Variants in VPS13D observed in about 807,000 individuals in gnomAD.
The protein encoded by VPS13D is intermembrane lipid transfer protein VPS13D.
Under a neutral mutation model 461.9 loss-of-function variants are expected in VPS13D, and 187 were observed. The ratio of observed to expected loss-of-function variants is 0.40; its 90% CI spans 0.36 to 0.46. VPS13D has a LOEUF of 0.46. VPS13D is among the 20% of genes least tolerant of loss of function. VPS13D has a pLI of 0.60. For missense variants in VPS13D, 4,711 were observed against 5,364.9 expected, an observed-to-expected ratio of 0.88 and a Z score of 3.81; for synonymous variants, 1,951 against 1,986.3, an observed-to-expected ratio of 0.98 and a Z score of 0.47.
intron 67 of VPS13D, among the ~76,000 whole-genome samples, chr1:12,480,834 C>G (rs1442836460): frequency 6.6e-6 from 1 of 152,216 alleles, no homozygotes; most frequent in Admixed American, 6.5e-5. Context: ...ATGTAACATG[C>G]AGAAGGAAGT....
intron 31 of VPS13D, 43 bp from the exon 32 acceptor site, chr1:12,319,454 A>G: frequency 6.2e-7 from 1 of 1,608,648 alleles, no homozygotes; most frequent in Non-Finnish European, 8.5e-7. Flanking sequence ...GGTGTTTTCC[A>G]GCTTCCCAGC....
At chr1:12,356,573 A>G (rs763701383) in intron 49 of VPS13D, 49 bp downstream of exon 49, 1 of 1,596,392 alleles carries the variant, frequency 6.3e-7, no homozygotes, top group Non-Finnish European at 8.5e-7. Context: ...CAGGGAAGGG[A>G]AGAAATTAGT....
At chr1:12,467,450 G>A (rs368182200) in intron 67 of VPS13D, among the ~76,000 whole-genome samples, 25 of 152,218 alleles carry the variant, frequency 1.6e-4, no homozygotes, top group Admixed American at 1.6e-3. Context: ...GATTACAGGC[G>A]TGAGCCACCA....
chr1:12,382,037 T>C (rs1032148670), intron 57 of VPS13D, among the ~76,000 whole-genome samples: 5 of 149,272 alleles, frequency 3.3e-5, no homozygotes, highest in Admixed American at 6.8e-5. Flanking sequence ...TTCTTTCTCT[T>C]TCTTTCTTTC....
intron 65 of VPS13D, among the ~76,000 whole-genome samples, chr1:12,443,213 A>AATAATTAT (rs1645151110): frequency 6.6e-6 from 1 of 152,226 alleles, no homozygotes; most frequent in Non-Finnish European, 1.5e-5. Flanking sequence ...GCCTGTTTTT[A>AATAATTAT]ACTCACATAT....
Position 12,342,931 on chromosome 1 carries a change from T to C in VPS13D, c.8765T>C (p.Val2922Ala). The change falls in exon 42 of 70, where the codon GTA becomes GCA. Residue 2922 changes from valine to alanine, a missense_variant. By Grantham distance (64) the Val-to-Ala change is moderately conservative. Transcript: ENST00000620676. ...AALSHSGSPGVVPEGNGTFLD... is the reference protein window; with the variant it reads ...AALSHSGSPGAVPEGNGTFLD... ...CTCTCTCACAGTGGGAGTCCAGGGGTAGTTCCAGAAGGGAACGGAACATTT... is the reference window on the plus strand; with the variant it reads ...CTCTCTCACAGTGGGAGTCCAGGGGCAGTTCCAGAAGGGAACGGAACATTT... 1 of 1,613,572 alleles carries C rather than the reference T, an allele frequency of 6.2e-7. No individual in the cohort carries two copies. Among genetic ancestry groups the C allele is most frequent in the Non-Finnish European group, 8.5e-7 (1 of 1,179,606 alleles).
chr1:12,323,397 A>G (rs1027728728), intron 34 of VPS13D, among the ~76,000 whole-genome samples: 1 of 152,024 alleles, frequency 6.6e-6, no homozygotes, highest in East Asian at 1.9e-4. Context: ...AAGCTGTTTC[A>G]AACACAGTCA....
intron 66 of VPS13D, among the ~76,000 whole-genome samples, chr1:12,456,715 GCT>G (rs968303240): frequency 2.0e-5 from 3 of 150,832 alleles, no homozygotes; most frequent in African/African-American, 7.3e-5. Context: ...AGCCTTCCAA[GCT>G]CTCTTACTTT....
In VPS13D at chr1:12,510,251, T is replaced by C. The variant is rs1439072966; in HGVS notation, c.*1227T>C. On this transcript the variant is annotated 3_prime_UTR_variant, in exon 70 of 70. Transcript: ENST00000620676. The stretch of plus-strand genomic sequence containing the variant: ...TGGGTCTTGTTTTTGGTGTTTCGCT[T>C]TTCTGTAAGGATTAAGCAGATAGGG... 6.6e-6 allele frequency: 1 copy of C among 152,220 alleles called. No individual in the cohort carries two copies. The highest frequency in any genetic ancestry group is 2.4e-5 in the African/African-American group (1 of 41,458). 9.4% of individuals were successfully genotyped at this position (152,220 alleles called of 1,614,324 possible). A position where few individuals can be genotyped will look rare whatever the true frequency, so the allele number is the denominator to read the frequency against.
At chr1:12,236,986 TATC>T (rs1640168501) in intron 2 of VPS13D, among the ~76,000 whole-genome samples, 1 of 152,148 alleles carries the variant, frequency 6.6e-6, no homozygotes, top group African/African-American at 2.4e-5. Context: ...CAATGTTAGT[TATC>T]ATCCATCCTC....
intron 50 of VPS13D, among the ~76,000 whole-genome samples, chr1:12,360,968 C>T (rs1048122965): frequency 3.3e-5 from 5 of 152,128 alleles, no homozygotes; most frequent in African/African-American, 7.2e-5. Context: ...TTGTATATGT[C>T]GCATCACAAT....
intron 50 of VPS13D, among the ~76,000 whole-genome samples, chr1:12,362,394 A>G (rs1643964048): frequency 6.6e-6 from 1 of 152,260 alleles, no homozygotes; most frequent in Admixed American, 6.5e-5. Flanking sequence ...ATTCAGCTTC[A>G]TAAATGGAAA....
intron 67 of VPS13D, among the ~76,000 whole-genome samples, chr1:12,462,621 T>C (rs541597004): frequency 6.6e-6 from 1 of 152,314 alleles, no homozygotes; most frequent in Admixed American, 6.5e-5. Flanking sequence ...CACCACTGCA[T>C]TGCACCCTGC....
rs1426318034 is a variant in VPS13D at position 12,308,498 on chromosome 1, G to C, written c.6507G>C (p.Glu2169Asp). 1 of 1,614,142 alleles carries C rather than the reference G, an allele frequency of 6.2e-7. No individual in the cohort carries two copies. The highest frequency in any genetic ancestry group is 1.7e-5 in the Admixed American group (1 of 60,020). The change falls in exon 27 of 70, where the codon GAG becomes GAC. Residue 2169 changes from glutamate to aspartate, a missense_variant. By Grantham distance (45) the Glu-to-Asp change is conservative (BLOSUM62 2). Around this residue, in one of 3 missense-constraint regions of VPS13D, gnomAD observed 4,411 missense variants for 4,937.8 expected, o/e 0.89. Transcript: ENST00000620676. ...DLQDMDIFAA[E>D]RHPREYSKAP... ...AGGACATGGACATCTTTGCTGCAGA[G>C]AGACATCCGAGAGAATACTCGAAGG...
At position 12,316,346 on chromosome 1, in the gene VPS13D, G is replaced by A. The variant is rs551915990; in HGVS notation, c.7149-1726G>A. On this transcript the variant is annotated intron_variant, in intron 30 of 69. Coordinates refer to ENST00000620676, the MANE Select transcript of VPS13D (RefSeq NM_015378.4). ...GTTCTTTAGATGGGAATTTTTGAAC[G>A]CCTTTCGTGTCTGAAGAAGAATTAC... 1.3e-4 allele frequency among the ~76,000 whole-genome samples: 20 copies of A among 152,216 alleles called. 1 individual carries two copies. The South Asian group carries it at 3.9e-3, about 30-fold the overall frequency.
intron 61 of VPS13D, among the ~76,000 whole-genome samples, chr1:12,400,956 G>GTGCACA (rs1644567873): frequency 2.6e-5 from 1 of 38,868 alleles, no homozygotes; most frequent in East Asian, 4.4e-4. Context: ...GTGCACCTGC[G>GTGCACA]CGCGCGCACA....
rs1401927229 is a variant in VPS13D, at chr1:12,303,089, C to T, written c.6217-1417C>T. The stretch of plus-strand genomic sequence containing the variant: ...ATGAATAATTACCTTCTTCACCAGC[C>T]ATCATTTTGTATTTGCATTTGCCTT... On this transcript the variant is annotated intron_variant, in intron 25 of 69. Transcript: ENST00000620676. Among the ~76,000 whole-genome samples the T allele has an allele frequency of 3.9e-5, 6 of 152,116 alleles. No individual in the cohort carries two copies. In the East Asian group the frequency reaches 1.2e-3, roughly 29 times the overall value.
intron 49 of VPS13D, among the ~76,000 whole-genome samples, chr1:12,357,964 A>AT (rs1007220329): frequency 2.6e-5 from 4 of 151,172 alleles, no homozygotes; most frequent in African/African-American, 9.7e-5. Flanking sequence ...AGACTGTACC[A>AT]TTGCACTCCA....
At chr1:12,432,919 C>G (rs937926338) in intron 65 of VPS13D, among the ~76,000 whole-genome samples, 1 of 152,194 alleles carries the variant, frequency 6.6e-6, no homozygotes, top group Admixed American at 6.5e-5. Flanking sequence ...CTAAAGGGAA[C>G]CCACTGCACA....
Sources: gnomAD v4.1 joint callset for allele counts (sites outside exome capture counted in the v4.1 genomes callset) on GRCh38, gnomAD v4.1.1 for gene constraint, gnomAD v4.1.1 regional missense constraint, MANE v1.5 for transcripts, NCBI Gene and HGNC (gene_info 2026-07-23, HGNC 2026-07-21) for gene names.